The following BPIFC variants were observed in gnomAD, a reference collection of about 807,000 sequenced individuals.
BPIFC encodes BPI fold containing family C.
In BPIFC, 60 loss-of-function variants were observed where a neutral mutation model predicts 57.6. The observed-to-expected ratio is 1.04, with a 90% CI of 0.85 to 1.29. The LOEUF (loss-of-function observed/expected upper bound fraction) is 1.29. BPIFC is among the 50% of genes most tolerant of loss of function. The pLI is 0.00. For synonymous variants in BPIFC, 243 were observed against 224.5 expected (o/e 1.08, Z -0.74); for missense variants, 581 against 600.5 (o/e 0.97, Z 0.34).
chr22:32,457,856 G>A (rs1244820492), intron 2 of BPIFC, among the ~76,000 whole-genome samples: 1 of 152,134 alleles, frequency 6.6e-6, no homozygotes, highest in Non-Finnish European at 1.5e-5. Flanking sequence ...CAGTGCATAT[G>A]CGTCCATTAG....
chr22:32,462,551 T>C (rs1169839671), intron 1 of BPIFC, among the ~76,000 whole-genome samples: 1 of 152,212 alleles, frequency 6.6e-6, no homozygotes, highest in East Asian at 1.9e-4. Flanking sequence ...AATTTTTATT[T>C]CTTTACCCTT....
At chr22:32,459,391 C>T (rs57044038) in intron 2 of BPIFC, among the ~76,000 whole-genome samples, 1,677 of 152,088 alleles carry the variant, frequency 0.011, 28 homozygotes, top group African/African-American at 0.038. Context: ...AGGCTGGGCA[C>T]GGTGGCTCAT....
intron 1 of BPIFC, among the ~76,000 whole-genome samples, chr22:32,461,945 G>T (rs551758541): frequency 1.3e-5 from 2 of 152,054 alleles, no homozygotes; most frequent in South Asian, 4.1e-4. Context: ...AGGCCAAGGT[G>T]GGCGGATCAT....
chr22:32,450,572 C>A (rs1934868078), intron 4 of BPIFC, among the ~76,000 whole-genome samples: 1 of 151,020 alleles, frequency 6.6e-6, no homozygotes, highest in African/African-American at 2.4e-5. Flanking sequence ...AATATGTAAC[C>A]AATATAAAAA....
Position 32,415,965 on chromosome 22 carries a change from A to G in BPIFC, c.1351T>C (p.Ser451Pro), listed in dbSNP as rs5998478. The change falls in exon 16 of 17, where the codon TCC (serine) becomes CCC (proline). Residue 451 changes from serine to proline, a missense_variant. Physicochemically the swap from Ser to Pro is moderately conservative, Grantham distance 74 (BLOSUM62 -1). Transcript: ENST00000300399. ...ACGAATAAGAATTTGTGTGGATTGG[A>G]CAGAGGAAATCCTTGCTGCAATTTT... ...NAKLQQGFPL[S>P]NPHKFLFVNS... The G allele has an allele frequency of 0.54, 854,986 of 1,585,474 alleles. 235,528 individuals are homozygous for G. The highest frequency in any genetic ancestry group is 0.85 in the African/African-American group (61,220 of 72,360).
intron 13 of BPIFC, among the ~76,000 whole-genome samples, chr22:32,427,287 C>T (rs16990437): frequency 0.018 from 2,801 of 152,240 alleles, 92 homozygotes; most frequent in African/African-American, 0.064. Context: ...AGATAAGGCT[C>T]AGTTTGATTT....
chr22:32,461,415 A>G (rs1246264123), intron 2 of BPIFC, among the ~76,000 whole-genome samples, 159 bp downstream of exon 2: 1 of 152,086 alleles, frequency 6.6e-6, no homozygotes, highest in Non-Finnish European at 1.5e-5. Flanking sequence ...GCTGAGGGGA[A>G]GGGATTTGGG....
Position 32,419,478 on chromosome 22 carries a change from G to C in BPIFC, c.1218-74C>G, listed in dbSNP as rs374163782. On this transcript the variant is annotated intron_variant, in intron 13 of 16. Transcript: ENST00000300399. ...GTAGAAAGAAACCAAAAAGTAAAAG[G>C]ATATTTTCAGTTCAAAAGTCACTAT... 515 of 1,372,082 alleles carry C rather than the reference G, an allele frequency of 3.8e-4. 2 individuals are homozygous for C. The highest frequency in any genetic ancestry group is 2.4e-3 in the South Asian group (195 of 82,188). The allele number at this position is 1,372,082 out of a possible 1,614,324, so 85.0% of individuals were successfully genotyped here. A position where few individuals can be genotyped will look rare whatever the true frequency, so the allele number is the denominator to read the frequency against.
At chr22:32,426,902 AAG>A (rs71698310) in intron 13 of BPIFC, among the ~76,000 whole-genome samples, 8,140 of 100,466 alleles carry the variant, frequency 0.081, 773 homozygotes, top group African/African-American at 0.26. Context: ...AAAAAAAAAA[AAG>A]AAAGAAAGAA....
In BPIFC at chr22:32,415,364, C is replaced by T. The variant is rs60970060; in HGVS notation, c.1401+551G>A. On this transcript the variant is annotated intron_variant, in intron 16 of 16. Transcript: ENST00000300399. ...GAGAATTTCTTTAGAAACATATTTCCACCTCCCCAAACAAACAACAATGCC... is the reference window on the plus strand; with the variant it reads ...GAGAATTTCTTTAGAAACATATTTCTACCTCCCCAAACAAACAACAATGCC... 1.4e-3 allele frequency among the ~76,000 whole-genome samples: 218 copies of T among 152,230 alleles called. 4 individuals carry two copies. In the East Asian group the frequency reaches 0.04, roughly 28 times the overall value.
At chr22:32,419,522 G>T in intron 13 of BPIFC, 118 bp from the exon 14 acceptor site, 1 of 1,029,434 alleles carries the variant, frequency 9.7e-7, no homozygotes, top group Non-Finnish European at 1.4e-6. Context: ...AAACACACAA[G>T]GCTGGGCATG....
intron 14 of BPIFC, 39 bp from the exon 15 acceptor site, chr22:32,417,187 GGCTT>G: frequency 7.2e-7 from 1 of 1,384,900 alleles, no homozygotes; most frequent in Non-Finnish European, 9.8e-7. Flanking sequence ...TGGCAGATCG[GGCTT>G]TTTTTTTTTT....
At chr22:32,453,609 T>G (rs1051060973) in intron 3 of BPIFC, 106 bp from the exon 4 acceptor site, 2 of 1,345,930 alleles carry the variant, frequency 1.5e-6, no homozygotes, top group Admixed American at 2.9e-5. Context: ...TGCCCTTAGA[T>G]ACTTAGAAAA....
chr22:32,433,158 G>A (rs934177309), intron 11 of BPIFC, among the ~76,000 whole-genome samples: 3 of 152,152 alleles, frequency 2.0e-5, no homozygotes, highest in East Asian at 3.8e-4. Context: ...AGCCAAGATC[G>A]TGCCACTGCA....
chr22:32,460,039 T>C (rs559640126), intron 2 of BPIFC, among the ~76,000 whole-genome samples: 1 of 151,850 alleles, frequency 6.6e-6, no homozygotes, highest in African/African-American at 2.4e-5. Context: ...GAGGTTTGAT[T>C]AAGGGGGGTG....
intron 13 of BPIFC, among the ~76,000 whole-genome samples, chr22:32,429,754 ATCTACTTGTC>A (rs1385161795): frequency 2.0e-5 from 3 of 151,774 alleles, no homozygotes; most frequent in Non-Finnish European, 4.4e-5. Flanking sequence ...TGACCTCATC[ATCTACTTGTC>A]TCGTCCTCCC....
At chr22:32,433,858 C>G in intron 10 of BPIFC, 86 bp from the exon 11 acceptor site, 2 of 1,181,662 alleles carry the variant, frequency 1.7e-6, no homozygotes, top group Non-Finnish European at 2.5e-6. Flanking sequence ...TATAATTTGA[C>G]GAATTGTGAA....
At chr22:32,454,798 A>C (rs1837924972) in intron 3 of BPIFC, among the ~76,000 whole-genome samples, 1 of 152,170 alleles carries the variant, frequency 6.6e-6, no homozygotes, top group Non-Finnish European at 1.5e-5. Context: ...CTTAGGTTTG[A>C]ATCCCAACTT....
At chr22:32,431,813 C>T (rs752854862) in intron 12 of BPIFC, among the ~76,000 whole-genome samples, 1 of 151,996 alleles carries the variant, frequency 6.6e-6, no homozygotes, top group Non-Finnish European at 1.5e-5. Flanking sequence ...GAGAGAATTC[C>T]AGCTGTCCAT....
Sources: gnomAD v4.1 joint callset for allele counts (sites outside exome capture counted in the v4.1 genomes callset) on GRCh38, gnomAD v4.1.1 for gene constraint, MANE v1.5 for transcripts, NCBI Gene and HGNC (gene_info 2026-07-23, HGNC 2026-07-21) for gene names.